The following BPTF variants were observed in gnomAD, a reference collection of about 807,000 sequenced individuals.
BPTF encodes the protein bromodomain PHD finger transcription factor.
A neutral mutation model predicts 292.5 loss-of-function variants in BPTF; 18 were observed. The observed-to-expected ratio is 0.06, with a 90% CI of 0.04 to 0.09. The LOEUF (loss-of-function observed/expected upper bound fraction) is 0.09, where lower values mean the gene tolerates loss of function less well. Among genes scored for constraint, BPTF ranks in the 10% least tolerant of loss-of-function variants. The probability of loss-of-function intolerance (pLI) is 1.00; values close to 1 mark genes in which losing one functional copy is unlikely to be tolerated. For synonymous variants in BPTF, 1,225 were observed against 1,251.9 expected (o/e 0.98, Z 0.45); for missense variants, 2,726 against 3,498.7 (o/e 0.78, Z 5.57).
chr17:67,869,710 A>G (rs909367958), intron 3 of BPTF, among the ~76,000 whole-genome samples: 24 of 151,872 alleles, frequency 1.6e-4, no homozygotes, highest in African/African-American at 5.3e-4. Flanking sequence ...CCGGCAGGGC[A>G]CAGTGGCTCA....
At chr17:67,831,329 T>G (rs929444467) in intron 1 of BPTF, among the ~76,000 whole-genome samples, 1 of 152,150 alleles carries the variant, frequency 6.6e-6, no homozygotes, top group Non-Finnish European at 1.5e-5. Flanking sequence ...ATTAATGACA[T>G]CTGTTTTCAG....
chr17:67,853,959 A>T lies in BPTF; in HGVS notation c.633A>T (p.Val211=). ...CTACAGGTAGGCGAAAACCAAGAGTACATCGGCCTCGTTCTCCTATATTGG... is the reference window on the plus strand; with the variant it reads ...CTACAGGTAGGCGAAAACCAAGAGTTCATCGGCCTCGTTCTCCTATATTGG... The part of the protein sequence containing the change: ...SSTPGRRKPR[V]HRPRSPILEE... The change falls in exon 2 of 28, where the codon GTA becomes GTT. Residue 211 remains valine, a synonymous_variant. Transcript: ENST00000306378. The T allele has an allele frequency of 6.2e-7, 1 of 1,611,982 alleles. No individual in the cohort carries two copies. The highest frequency in any genetic ancestry group is 8.5e-7 in the Non-Finnish European group (1 of 1,178,232).
intron 3 of BPTF, among the ~76,000 whole-genome samples, chr17:67,873,850 T>G (rs1200528427): frequency 6.6e-6 from 1 of 152,170 alleles, no homozygotes; most frequent in African/African-American, 2.4e-5. Context: ...ACCACTTAGA[T>G]TGTGACTTCT....
intron 16 of BPTF, chr17:67,928,926 C>A: frequency 8.5e-7 from 1 of 1,180,020 alleles, no homozygotes; most frequent in South Asian, 2.5e-5. Context: ...TATTTTAAAT[C>A]TAAAGCTTAT....
At position 67,910,916 on chromosome 17, in the gene BPTF, G is replaced by T. The variant is rs1031812953; in HGVS notation, c.3032G>T (p.Cys1011Phe). The change falls in exon 11 of 28, where the codon TGC (cysteine) becomes TTC (phenylalanine). Residue 1011 changes from cysteine (C) to phenylalanine (F), a missense_variant. By Grantham distance (205) the Cys-to-Phe change is radical. Around this residue, in one of 22 missense-constraint regions of BPTF, gnomAD observed 713 missense variants for 714.9 expected, o/e 1.00. Transcript: ENST00000306378. ...TTAGATTCTGACAGTGATAAACCCT[G>T]CAAGGAAGAACCAATGGAAGTAGAC... ...ELLDSDSDKP[C>F]KEEPMEVDDD... is the part of the protein sequence containing the mutation. The T allele has an allele frequency of 6.2e-7, 1 of 1,612,990 alleles. No individual in the cohort carries two copies. Among genetic ancestry groups the T allele is most frequent in the Non-Finnish European group, 8.5e-7 (1 of 1,179,378 alleles).
At chr17:67,928,630 A>G in intron 16 of BPTF, 29 bp downstream of exon 16, 1 of 1,554,978 alleles carries the variant, frequency 6.4e-7, no homozygotes, top group Non-Finnish European at 8.7e-7. Flanking sequence ...GTAAAAGATT[A>G]CTTTGGTTCA....
intron 2 of BPTF, among the ~76,000 whole-genome samples, chr17:67,861,458 G>A (rs1445862524): frequency 2.6e-5 from 4 of 151,100 alleles, no homozygotes; most frequent in Non-Finnish European, 5.9e-5. Context: ...GTGGGATTAC[G>A]GGCGGCCGCC....
intron 26 of BPTF, among the ~76,000 whole-genome samples, chr17:67,969,852 G>A (rs1019630747): frequency 5.9e-5 from 9 of 151,776 alleles, no homozygotes; most frequent in Non-Finnish European, 1.3e-4. Context: ...CTTGAACCCA[G>A]GAGGCAGAGG....
At chr17:67,901,025 A>G (rs1020093410) in intron 7 of BPTF, among the ~76,000 whole-genome samples, 4 of 152,064 alleles carry the variant, frequency 2.6e-5, no homozygotes, top group Non-Finnish European at 5.9e-5. Flanking sequence ...TCTTTAAAAA[A>G]AAAGAAAAGA....
chr17:67,948,030 C>G (rs983053317), intron 22 of BPTF, 51 bp from the exon 23 acceptor site: 13 of 1,533,390 alleles, frequency 8.5e-6, no homozygotes, highest in Middle Eastern at 1.7e-4. Flanking sequence ...ATGTCTTAAG[C>G]CTTTCAAAAT....
intron 1 of BPTF, among the ~76,000 whole-genome samples, chr17:67,833,217 A>G (rs1173081919): frequency 6.6e-6 from 1 of 151,952 alleles, no homozygotes; most frequent in African/African-American, 2.4e-5. Context: ...CTATATTTGA[A>G]TAACACTTCA....
chr17:67,909,594 T>G lies in BPTF; in HGVS notation c.2825T>G (p.Met942Arg). The G allele has an allele frequency of 6.4e-7, 1 of 1,551,940 alleles. No individual in the cohort carries two copies. Among genetic ancestry groups the G allele is most frequent in the Non-Finnish European group, 8.7e-7 (1 of 1,153,392 alleles). The part of the protein sequence containing the change: ...RKSLEGTKNN[M>R]DENMDESDKR... ...TGGTTCTTTTTAGCCAAAAATAATA[T>G]GGATGAAAATATGGATGAGTCAGAT... Residue 942 changes from methionine (M) to arginine (R), a missense_variant, in exon 10 of 28, where the codon ATG (methionine) becomes AGG (arginine). Met to Arg is a moderately conservative substitution (Grantham distance 91, BLOSUM62 -1). Transcript: ENST00000306378.
At chr17:67,963,576 A>G in intron 24 of BPTF, 1 of 1,282,750 alleles carries the variant, frequency 7.8e-7, no homozygotes, top group South Asian at 2.7e-5. Context: ...TTACTTATTT[A>G]TTTTAAAATA....
chr17:67,942,931 G>A (rs78833304), intron 19 of BPTF, among the ~76,000 whole-genome samples: 2,482 of 152,314 alleles, frequency 0.016, 62 homozygotes, highest in African/African-American at 0.052. Flanking sequence ...GCTATTTTGT[G>A]TAGGGATACA....
At chr17:67,839,738 A>G (rs2144310594) in intron 1 of BPTF, among the ~76,000 whole-genome samples, 1 of 152,336 alleles carries the variant, frequency 6.6e-6, no homozygotes, top group Non-Finnish European at 1.5e-5. Context: ...GCAACTATGA[A>G]TAAAGTTGTC....
intron 7 of BPTF, among the ~76,000 whole-genome samples, chr17:67,902,537 C>G (rs1002058134): frequency 6.6e-6 from 1 of 152,158 alleles, no homozygotes. Flanking sequence ...GCTCCCTTTC[C>G]CCTCCTCCCA....
rs748790606 is a variant in BPTF, at chr17:67,931,970, G to A, written c.6210G>A (p.Gln2070=). The A allele has an allele frequency of 1.2e-6, 2 of 1,614,068 alleles. No homozygotes were observed. Among genetic ancestry groups the A allele is most frequent in the South Asian group, 2.2e-5 (2 of 91,068 alleles). The part of the protein sequence containing the change: ...GMTVIRTPLQ[Q]STLGKAIIRT... ...CCGTGATTAGAACACCACTCCAACA[G>A]TCAACACTAGGAAAGGCAATTATTC... The change falls in exon 18 of 28, where the codon CAG becomes CAA. Residue 2070 remains glutamine, a synonymous_variant. Transcript: ENST00000306378.
chr17:67,966,104 C>T (rs1555687188), intron 25 of BPTF: 2 of 159,992 alleles, frequency 1.3e-5, no homozygotes, highest in Non-Finnish European at 2.8e-5. Flanking sequence ...TTGAAACTTT[C>T]TCCTGTCGTT....
At chr17:67,968,773 G>A (rs1307609132) in intron 26 of BPTF, among the ~76,000 whole-genome samples, 2 of 137,458 alleles carry the variant, frequency 1.5e-5, no homozygotes, top group African/African-American at 2.7e-5. Context: ...GGCTGACAGA[G>A]CGAGACACGT....
Sources: gnomAD v4.1 joint callset for allele counts (sites outside exome capture counted in the v4.1 genomes callset) on GRCh38, gnomAD v4.1.1 for gene constraint, gnomAD v4.1.1 regional missense constraint, MANE v1.5 for transcripts, NCBI Gene and HGNC (gene_info 2026-07-23, HGNC 2026-07-21) for gene names.